CCDC158: variants seen among roughly 807,000 people sequenced by gnomAD.
The protein encoded by CCDC158 is coiled-coil domain-containing protein 158.
Under a neutral mutation model 138.6 loss-of-function variants are expected in CCDC158, and 116 were observed. That is an observed-to-expected ratio of 0.84 (90% CI 0.72 to 0.98). The LOEUF (loss-of-function observed/expected upper bound fraction) is 0.98. Among genes scored for constraint, CCDC158 ranks in the 50% least tolerant of loss-of-function variants. The probability of loss-of-function intolerance (pLI) is 0.00; values close to 1 mark genes in which losing one functional copy is unlikely to be tolerated. For synonymous variants in CCDC158, 436 were observed against 442.4 expected (o/e 0.99, Z 0.18); for missense variants, 1,265 against 1,306.1 (o/e 0.97, Z 0.48).
intron 2 of CCDC158, among the ~76,000 whole-genome samples, chr4:76,411,815 A>G (rs1729318440): frequency 6.6e-6 from 1 of 151,072 alleles, no homozygotes; most frequent in African/African-American, 2.5e-5. Context: ...ATGTTTCTTT[A>G]AATCTAAGCG....
In CCDC158 at chr4:76,313,260, TA is replaced by T; in HGVS notation, c.3278-15del. The stretch of plus-strand genomic sequence containing the variant: ...TTGAAGACATTGCTGAAAATGTTGA[TA>T]AAACAGTTAGAATAACAAAATCTAC... On this transcript the variant is annotated splice_polypyrimidine_tract_variant and intron_variant, in intron 24 of 24. Coordinates refer to ENST00000682701, the MANE Select transcript of CCDC158 (RefSeq NM_001394954.1). The T allele has an allele frequency of 1.3e-6, 2 of 1,538,036 alleles. No individual in the cohort carries two copies. The highest frequency in any genetic ancestry group is 1.1e-5 in the South Asian group (1 of 86,958).
chr4:76,379,743 T>TAC (rs34043671), intron 8 of CCDC158, among the ~76,000 whole-genome samples: 27,988 of 146,856 alleles, frequency 0.19, 2,703 homozygotes, highest in Middle Eastern at 0.27. Flanking sequence ...TCATATATAT[T>TAC]ACACACACAC....
chr4:76,418,547 A>G (rs1486590473), intron 1 of CCDC158, among the ~76,000 whole-genome samples: 1 of 152,074 alleles, frequency 6.6e-6, no homozygotes, highest in Non-Finnish European at 1.5e-5. Flanking sequence ...GGTTTAATGG[A>G]CTCACAGTTT....
rs1726609794 is a variant in CCDC158 at position 76,384,591 on chromosome 4, C to T, written c.363G>A (p.Glu121=). The part of the protein sequence containing the change: ...SVIDLQTKLQ[E]MQMERDAMAD... ...CCATAGCATCTCTCTCCATTTGCAT[C>T]TCCTGAAGTTTTGTTTGCAAATCAA... The change falls in exon 5 of 25, where the codon GAG becomes GAA. Residue 121 remains glutamate (E), a synonymous_variant. Coordinates refer to ENST00000682701, the MANE Select transcript of CCDC158 (RefSeq NM_001394954.1). 6.2e-7 allele frequency: 1 copy of T among 1,613,640 alleles called. No individual in the cohort carries two copies. Among genetic ancestry groups the T allele is most frequent in the Non-Finnish European group, 8.5e-7 (1 of 1,179,822 alleles).
intron 4 of CCDC158, 36 bp from the exon 5 acceptor site, chr4:76,384,701 G>T (rs1726622981): frequency 2.1e-6 from 3 of 1,405,816 alleles, no homozygotes; most frequent in African/African-American, 2.8e-5. Context: ...ATCTTCATTA[G>T]AGAAACACAT....
intron 24 of CCDC158, among the ~76,000 whole-genome samples, chr4:76,316,441 C>A (rs1001325804): frequency 6.6e-6 from 1 of 152,064 alleles, no homozygotes; most frequent in African/African-American, 2.4e-5. Context: ...TTGAACAAAG[C>A]CTCCAAGAAG....
chr4:76,412,339 A>C (rs1729356189), intron 1 of CCDC158, among the ~76,000 whole-genome samples: 1 of 152,228 alleles, frequency 6.6e-6, no homozygotes, highest in Non-Finnish European at 1.5e-5. Flanking sequence ...CAGGCCAGGC[A>C]TGGTGGCTAA....
intron 9 of CCDC158, among the ~76,000 whole-genome samples, chr4:76,376,031 A>G (rs932657242): frequency 6.6e-6 from 1 of 151,898 alleles, no homozygotes; most frequent in Non-Finnish European, 1.5e-5. Context: ...ACACACCTTT[A>G]TTAGTTTCCT....
At chr4:76,364,750 A>G (rs1249470605) in intron 12 of CCDC158, among the ~76,000 whole-genome samples, 1 of 152,222 alleles carries the variant, frequency 6.6e-6, no homozygotes, top group African/African-American at 2.4e-5. Context: ...TTATCGCCCT[A>G]CTGGCCTTAG....
At chr4:76,387,813 A>G (rs1341752596) in intron 4 of CCDC158, among the ~76,000 whole-genome samples, 1 of 129,218 alleles carries the variant, frequency 7.7e-6, no homozygotes, top group Admixed American at 8.3e-5. Flanking sequence ...ACAGAGACAG[A>G]CTACAACTAA....
intron 1 of CCDC158, among the ~76,000 whole-genome samples, chr4:76,417,385 T>A (rs1729782626): frequency 6.6e-6 from 1 of 152,168 alleles, no homozygotes; most frequent in Admixed American, 6.5e-5. Flanking sequence ...GCATTAATGC[T>A]GAAATGAGTT....
intron 14 of CCDC158, 149 bp downstream of exon 14, chr4:76,357,225 C>T (rs1242694369): frequency 2.0e-5 from 9 of 439,674 alleles, no homozygotes; most frequent in Non-Finnish European, 3.1e-5. Flanking sequence ...GCTACATAAC[C>T]TCCATCATTA....
At chr4:76,321,105 A>G (rs1480750027) in intron 24 of CCDC158, among the ~76,000 whole-genome samples, 1 of 152,198 alleles carries the variant, frequency 6.6e-6, no homozygotes, top group East Asian at 1.9e-4. Context: ...GGCTAAGGAC[A>G]TGAATAGACA....
chr4:76,314,731 C>T (rs540974023), intron 24 of CCDC158, among the ~76,000 whole-genome samples: 2 of 152,296 alleles, frequency 1.3e-5, no homozygotes, highest in East Asian at 3.9e-4. Flanking sequence ...TTCCCATTCT[C>T]CAGCTCGAGC....
intron 19 of CCDC158, among the ~76,000 whole-genome samples, chr4:76,332,697 C>G (rs1721111191): frequency 6.6e-6 from 1 of 152,188 alleles, no homozygotes; most frequent in African/African-American, 2.4e-5. Flanking sequence ...AAGCTTTACG[C>G]TGAGTTTAGG....
chr4:76,342,977 T>C (rs1722198272), intron 18 of CCDC158, among the ~76,000 whole-genome samples: 2 of 152,208 alleles, frequency 1.3e-5, no homozygotes, highest in African/African-American at 4.8e-5. Flanking sequence ...GCTGTCTCCA[T>C]ATACTCAGGT....
intron 9 of CCDC158, among the ~76,000 whole-genome samples, chr4:76,376,057 C>T (rs898691085): frequency 1.4e-5 from 2 of 145,786 alleles, no homozygotes; most frequent in African/African-American, 5.0e-5. Flanking sequence ...ACAAATCTCA[C>T]TTTTTTTTTT....
At chr4:76,366,722 A>G (rs17001817) in intron 12 of CCDC158, among the ~76,000 whole-genome samples, 4,438 of 152,170 alleles carry the variant, frequency 0.029, 216 homozygotes, top group African/African-American at 0.1. Context: ...GTTCAGAAGG[A>G]GACCAAAACA....
At position 76,351,136 on chromosome 4, in the gene CCDC158, A is replaced by T; in HGVS notation, c.2539-15T>A. ...CCCTGAAGTTCCTGGAAAACAATATAGAGGTAAGCAAAATAACTGCCAGCC... is the reference window on the plus strand; with the variant it reads ...CCCTGAAGTTCCTGGAAAACAATATTGAGGTAAGCAAAATAACTGCCAGCC... On this transcript the variant is annotated splice_polypyrimidine_tract_variant and intron_variant, in intron 17 of 24. Transcript: ENST00000682701. 6.3e-7 allele frequency: 1 copy of T among 1,593,258 alleles called. No individual in the cohort carries two copies. Among genetic ancestry groups the T allele is most frequent in the Non-Finnish European group, 8.5e-7 (1 of 1,170,386 alleles).
Sources: allele counts gnomAD v4.1 joint callset (sites outside exome capture counted in the v4.1 genomes callset), GRCh38; gene constraint gnomAD v4.1.1; transcripts MANE v1.5; gene names NCBI Gene and HGNC (gene_info 2026-07-23, HGNC 2026-07-21).